C8orf34: variants seen among roughly 807,000 people sequenced by gnomAD.
The protein encoded by C8orf34 is uncharacterized protein C8orf34.
C8orf34 carries 65 observed loss-of-function variants against 68.3 expected under a neutral mutation model. That is an observed-to-expected ratio of 0.95 (90% confidence interval 0.78 to 1.17). C8orf34 has a LOEUF of 1.17. C8orf34 is among the 50% of genes most tolerant of loss of function. C8orf34 has a pLI of 0.00. For synonymous variants in C8orf34, 244 were observed against 241.2 expected (o/e 1.01, Z -0.11); for missense variants, 664 against 655.4 (o/e 1.01, Z -0.14).
intron 7 of C8orf34, among the ~76,000 whole-genome samples, chr8:68,616,774 G>C (rs1391651761): frequency 6.6e-6 from 1 of 152,150 alleles, no homozygotes; most frequent in Non-Finnish European, 1.5e-5. Flanking sequence ...CTGTTGATCT[G>C]GGGTGGAGAG....
chr8:68,721,879 G>GA (rs1262919396), intron 10 of C8orf34, among the ~76,000 whole-genome samples: 1 of 151,876 alleles, frequency 6.6e-6, no homozygotes, highest in Non-Finnish European at 1.5e-5. Context: ...AGAATAAATA[G>GA]AAAAAACCTG....
chr8:68,542,320 A>G (rs1030153329), intron 7 of C8orf34, among the ~76,000 whole-genome samples: 2 of 152,238 alleles, frequency 1.3e-5, no homozygotes, highest in African/African-American at 4.8e-5. Flanking sequence ...CACAATACAG[A>G]GAATCCACAT....
intron 8 of C8orf34, among the ~76,000 whole-genome samples, chr8:68,644,751 C>T (rs1032397691): frequency 6.6e-6 from 1 of 152,174 alleles, no homozygotes; most frequent in African/African-American, 2.4e-5. Context: ...AGCCTGCAGT[C>T]TTGAGAGCCA....
chr8:68,662,644 T>C (rs1398529517), intron 8 of C8orf34, among the ~76,000 whole-genome samples: 2 of 152,220 alleles, frequency 1.3e-5, no homozygotes, highest in Non-Finnish European at 2.9e-5. Context: ...CGTGAGTAAA[T>C]TTAACCTCTT....
chr8:68,752,052 AC>A (rs1241926037), intron 10 of C8orf34, among the ~76,000 whole-genome samples: 2 of 152,168 alleles, frequency 1.3e-5, no homozygotes, highest in Non-Finnish European at 2.9e-5. Flanking sequence ...GAGAACTCTA[AC>A]AGCAGTTGAA....
At chr8:68,488,154 T>C in intron 5 of C8orf34, 103 bp downstream of exon 5, 1 of 823,726 alleles carries the variant, frequency 1.2e-6, no homozygotes, top group Non-Finnish European at 1.9e-6. Context: ...TGTTCAAGTA[T>C]AATTTATTTG....
rs146333232 is a variant in C8orf34, at chr8:68,804,668, A to G, written c.1550-11218A>G. Among the ~76,000 whole-genome samples, 9 of 152,216 alleles carry G rather than the reference A, an allele frequency of 5.9e-5. No individual in the cohort carries two copies. The East Asian group carries it at 1.4e-3, about 23-fold the overall frequency. On this transcript the variant is annotated intron_variant, in intron 12 of 13. Coordinates refer to ENST00000518698, the MANE Select transcript of C8orf34 (RefSeq NM_052958.4). ...ATATCTGTATTCCTAGCTACTTGGT[A>G]CTTGGGAGGCTGAGGCAAGAGGATC... is the stretch of plus-strand genomic sequence containing the variant.
intron 1 of C8orf34, among the ~76,000 whole-genome samples, chr8:68,412,754 G>A (rs12541312): frequency 0.1 from 15,257 of 151,944 alleles, 1,698 homozygotes; most frequent in African/African-American, 0.28. Context: ...CTGTAGTCTC[G>A]CTTTCAGCCA....
At chr8:68,417,962 T>C (rs1309371230) in intron 1 of C8orf34, among the ~76,000 whole-genome samples, 3 of 151,098 alleles carry the variant, frequency 2.0e-5, no homozygotes, top group African/African-American at 7.4e-5. Flanking sequence ...TATCCTCTTT[T>C]ATTTCCTTGA....
At chr8:68,574,101 CAT>C (rs1478714264) in intron 7 of C8orf34, among the ~76,000 whole-genome samples, 1 of 151,994 alleles carries the variant, frequency 6.6e-6, no homozygotes, top group Non-Finnish European at 1.5e-5. Context: ...ATAAAACTAT[CAT>C]ATGTTATGAA....
At chr8:68,583,616 T>G (rs1817127069) in intron 7 of C8orf34, among the ~76,000 whole-genome samples, 2 of 152,136 alleles carry the variant, frequency 1.3e-5, no homozygotes, top group Non-Finnish European at 2.9e-5. Context: ...CTCCATTTCT[T>G]TAAAAGTCAA....
chr8:68,420,771 C>A (rs1042979791), intron 1 of C8orf34, among the ~76,000 whole-genome samples: 2 of 151,604 alleles, frequency 1.3e-5, no homozygotes, highest in Non-Finnish European at 2.9e-5. Flanking sequence ...ACTCAAAATA[C>A]GGGCTTAATA....
At chr8:68,681,514 G>C (rs1051845581) in intron 8 of C8orf34, among the ~76,000 whole-genome samples, 6 of 152,126 alleles carry the variant, frequency 3.9e-5, no homozygotes, top group African/African-American at 1.4e-4. Context: ...ACCAGCAACA[G>C]ATGCTGGTGA....
At chr8:68,554,349 C>A (rs1297809808) in intron 7 of C8orf34, among the ~76,000 whole-genome samples, 1 of 152,020 alleles carries the variant, frequency 6.6e-6, no homozygotes, top group African/African-American at 2.4e-5. Flanking sequence ...TAGTGGATGA[C>A]CCTGGCTTTA....
At chr8:68,620,471 T>A (rs1382375427) in intron 7 of C8orf34, among the ~76,000 whole-genome samples, 1 of 151,828 alleles carries the variant, frequency 6.6e-6, no homozygotes, top group Non-Finnish European at 1.5e-5. Flanking sequence ...ATTACCAGAG[T>A]GAGCAAGGAA....
chr8:68,456,330 A>G (rs190597053), intron 3 of C8orf34, among the ~76,000 whole-genome samples: 1 of 152,288 alleles, frequency 6.6e-6, no homozygotes, highest in East Asian at 1.9e-4. Context: ...CTTTCTGAAG[A>G]AAAAAGCAAC....
intron 10 of C8orf34, among the ~76,000 whole-genome samples, chr8:68,735,888 T>C (rs905624062): frequency 2.0e-5 from 3 of 152,156 alleles, no homozygotes; most frequent in Admixed American, 2.0e-4. Context: ...CTGCCCAATT[T>C]AAATTCTGTC....
At chr8:68,409,849 T>C (rs1809369306) in intron 1 of C8orf34, among the ~76,000 whole-genome samples, 1 of 152,166 alleles carries the variant, frequency 6.6e-6, no homozygotes. Context: ...ATATCATATT[T>C]TTACTGTACC....
intron 1 of C8orf34, among the ~76,000 whole-genome samples, chr8:68,355,941 T>C (rs1271564800): frequency 1.3e-5 from 2 of 152,220 alleles, no homozygotes; most frequent in African/African-American, 4.8e-5. Context: ...TCTTTGTTTT[T>C]CTTCACATCA....
Sources: allele counts gnomAD v4.1 joint callset (sites outside exome capture counted in the v4.1 genomes callset), GRCh38; gene constraint gnomAD v4.1.1; transcripts MANE v1.5; gene names NCBI Gene and HGNC (gene_info 2026-07-23, HGNC 2026-07-21).